Variants in ANO6 observed in about 807,000 individuals in gnomAD.
ANO6 encodes anoctamin-6.
ANO6 carries 106 observed loss-of-function variants against 117.5 expected under a neutral mutation model. The ratio of observed to expected loss-of-function variants is 0.90; its 90% confidence interval spans 0.77 to 1.06. The LOEUF is 1.06. ANO6 is among the 50% of genes least tolerant of loss of function. The pLI is 0.00. For missense variants in ANO6, 955 were observed against 1,121.1 expected, an observed-to-expected ratio of 0.85 and a Z score of 2.12; for synonymous variants, 367 against 385.1, an observed-to-expected ratio of 0.95 and a Z score of 0.55.
At chr12:45,363,570 A>C (rs573893950) in intron 8 of ANO6, among the ~76,000 whole-genome samples, 3 of 151,986 alleles carry the variant, frequency 2.0e-5, no homozygotes, top group African/African-American at 7.2e-5. Context: ...TCTCAAAAAA[A>C]AAAAAAAGAA....
chr12:45,331,151 T>C (rs910904276), intron 2 of ANO6, 144 bp from the exon 3 acceptor site: 1 of 662,948 alleles, frequency 1.5e-6, no homozygotes. Context: ...TCAGTCATAG[T>C]GGCCATGACT....
At chr12:45,341,788 T>G (rs1004954179) in intron 3 of ANO6, among the ~76,000 whole-genome samples, 1 of 152,068 alleles carries the variant, frequency 6.6e-6, no homozygotes, top group Non-Finnish European at 1.5e-5. Flanking sequence ...TTGCCTGTTT[T>G]GTCAGATATT....
rs553334265 is a variant in ANO6, at chr12:45,423,191, A to G, written c.2526+129A>G. On this transcript the variant is annotated intron_variant, in intron 19 of 19. Transcript: ENST00000320560. ...ATCACTTGCTAATATTTTAGGAAAT[A>G]TGTTAATCAGTATTGACCTGAAAAT... The G allele has an allele frequency of 5.2e-6, 4 of 764,060 alleles. No homozygotes were observed. In the East Asian group the frequency reaches 7.6e-5, roughly 14 times the overall value. The allele number at this position is 764,060 out of a possible 1,614,324, so 47.3% of individuals were successfully genotyped here.
intron 3 of ANO6, among the ~76,000 whole-genome samples, chr12:45,338,839 C>A (rs1206685611): frequency 6.6e-6 from 1 of 151,840 alleles, no homozygotes; most frequent in Non-Finnish European, 1.5e-5. Flanking sequence ...ACAGAGAGGA[C>A]AATGAAATTC....
chr12:45,411,813 A>T (rs1412123732), intron 16 of ANO6, among the ~76,000 whole-genome samples: 1 of 152,158 alleles, frequency 6.6e-6, no homozygotes, highest in Non-Finnish European at 1.5e-5. Context: ...TCTAGGTGTT[A>T]GCAGCACCTG....
Position 45,242,390 on chromosome 12 carries a change from A to T in ANO6, c.70+25999A>T, listed in dbSNP as rs550210795. ...TGGGACCTGCCAAGCCAGGCATGGG[A>T]GAGAATCGCCTGGTCTGCCAGTTGC... is the stretch of plus-strand genomic sequence containing the variant. On this transcript the variant is annotated intron_variant, in intron 1 of 19. Transcript: ENST00000320560. Among the ~76,000 whole-genome samples, 224 of 152,356 alleles carry T rather than the reference A, an allele frequency of 1.5e-3. 3 individuals carry two copies. Among genetic ancestry groups the T allele is most frequent in the East Asian group, 5.8e-4 (3 of 5,184 alleles).
intron 16 of ANO6, among the ~76,000 whole-genome samples, chr12:45,415,954 G>A (rs546379936): frequency 6.6e-6 from 1 of 152,198 alleles, no homozygotes; most frequent in East Asian, 1.9e-4. Context: ...CCTCTCCGTG[G>A]TATCACTTAC....
At chr12:45,315,802 A>G (rs1267203375) in intron 2 of ANO6, among the ~76,000 whole-genome samples, 2 of 152,072 alleles carry the variant, frequency 1.3e-5, no homozygotes, top group African/African-American at 4.8e-5. Flanking sequence ...CGCTCAAGCC[A>G]GAAACCTCAG....
chr12:45,356,141 A>C (rs1042648700), intron 7 of ANO6, among the ~76,000 whole-genome samples: 11 of 152,146 alleles, frequency 7.2e-5, no homozygotes, highest in Admixed American at 6.5e-4. Flanking sequence ...AATCTTGCCT[A>C]CGTGGCCTCT....
At chr12:45,400,015 C>G (rs933860219) in intron 12 of ANO6, among the ~76,000 whole-genome samples, 1 of 152,186 alleles carries the variant, frequency 6.6e-6, no homozygotes, top group Non-Finnish European at 1.5e-5. Context: ...AATTAGAATT[C>G]ATTTCATAAA....
rs372364478 is a variant in ANO6, at chr12:45,416,884, A to G, written c.2197A>G (p.Ile733Val). Reference protein sequence around the residue: ...AWQPIMQGIAILAVVTNAMII... With the variant: ...AWQPIMQGIAVLAVVTNAMII... ...GCAGCCCATCATGCAAGGAATAGCA[A>G]TTCTGGCTGTGGTGACCAATGTGAG... Residue 733 changes from isoleucine to valine, a missense_variant, in exon 17 of 20, where the codon ATT becomes GTT. Transcript: ENST00000320560. 5.6e-6 allele frequency: 9 copies of G among 1,614,182 alleles called. No homozygotes were observed. The highest frequency in any genetic ancestry group is 7.6e-6 in the Non-Finnish European group (9 of 1,180,008).
chr12:45,439,536 A>AT lies in ANO6; in HGVS notation c.2527-136dup, dbSNP rs1004739990. On this transcript the variant is annotated intron_variant, in intron 19 of 19. Transcript: ENST00000425752. Reference sequence around the variant, plus strand: ...AGGCAGTCTGTCTGGACATGAGGGCATTTGAATTTGGACCTTTAAACAAAT... The same window carrying AT: ...AGGCAGTCTGTCTGGACATGAGGGCATTTTGAATTTGGACCTTTAAACAAAT... The AT allele has an allele frequency of 1.7e-5, 12 of 702,900 alleles. No individual in the cohort carries two copies. In the African/African-American group the frequency reaches 2.0e-4, roughly 12 times the overall value. 43.5% of individuals were successfully genotyped at this position (702,900 alleles called of 1,614,324 possible).
At chr12:45,303,420 T>C (rs900500367) in intron 2 of ANO6, among the ~76,000 whole-genome samples, 6 of 152,222 alleles carry the variant, frequency 3.9e-5, no homozygotes, top group Admixed American at 3.3e-4. Flanking sequence ...GCTGCCTCTT[T>C]TTTTTGTTGT....
At chr12:45,321,935 T>C (rs1210146766) in intron 2 of ANO6, among the ~76,000 whole-genome samples, 1 of 152,110 alleles carries the variant, frequency 6.6e-6, no homozygotes, top group Non-Finnish European at 1.5e-5. Flanking sequence ...TCAAGAACAT[T>C]CTTAAGGGAA....
At chr12:45,233,368 A>G (rs574272291) in intron 1 of ANO6, among the ~76,000 whole-genome samples, 3 of 152,228 alleles carry the variant, frequency 2.0e-5, no homozygotes, top group Non-Finnish European at 4.4e-5. Context: ...AGGGCAAAAA[A>G]TAAAGGGTTG....
At chr12:45,241,364 C>T (rs1279020194) in intron 1 of ANO6, among the ~76,000 whole-genome samples, 3 of 152,192 alleles carry the variant, frequency 2.0e-5, no homozygotes, top group Admixed American at 1.3e-4. Flanking sequence ...CTTCTGCATG[C>T]GTCACAAAGT....
rs755547563 is a variant in ANO6, at chr12:45,302,044, C to T, written c.101C>T (p.Pro34Leu). 94 of 1,613,792 alleles carry T rather than the reference C, an allele frequency of 5.8e-5. No homozygotes were observed. The highest frequency in any genetic ancestry group is 5.7e-5 in the Non-Finnish European group (67 of 1,179,896). ...GAAAACCTTGGACAGACAATTGTCC[C>T]CGATTTGGGATCACTGGAAAGTCAG... ...VLENLGQTIV[P>L]DLGSLESQHD... The change falls in exon 2 of 20, where the codon CCC (proline) becomes CTC (leucine). Residue 34 changes from proline to leucine, a missense_variant. Physicochemically the swap from Pro to Leu is moderately conservative, Grantham distance 98. Coordinates refer to ENST00000320560, the MANE Select transcript of ANO6 (RefSeq NM_001025356.3).
At chr12:45,292,991 C>T in intron 1 of ANO6, 2 of 1,544,288 alleles carry the variant, frequency 1.3e-6, no homozygotes, top group East Asian at 2.4e-5. Flanking sequence ...GGGCAGAGTG[C>T]CGGGGAGGCT....
At chr12:45,402,818 T>A (rs1048752032) in intron 13 of ANO6, among the ~76,000 whole-genome samples, 1 of 152,238 alleles carries the variant, frequency 6.6e-6, no homozygotes, top group African/African-American at 2.4e-5. Flanking sequence ...TAAGGAACAG[T>A]TGATTTTTTT....
Sources: allele counts gnomAD v4.1 joint callset (sites outside exome capture counted in the v4.1 genomes callset), GRCh38; gene constraint gnomAD v4.1.1; transcripts MANE v1.5; gene names NCBI Gene and HGNC (gene_info 2026-07-23, HGNC 2026-07-21).